Variants in PRKG1 observed in about 807,000 individuals in gnomAD.
PRKG1 encodes the protein cGMP-dependent protein kinase 1.
A neutral mutation model predicts 88.1 loss-of-function variants in PRKG1; 35 were observed. The observed-to-expected ratio is 0.40, with a 90% CI of 0.30 to 0.53. PRKG1 has a LOEUF of 0.53. Among genes scored for constraint, PRKG1 ranks in the 20% least tolerant of loss-of-function variants. The pLI, the probability that PRKG1 is intolerant of heterozygous loss-of-function variation, is 0.59. For synonymous variants in PRKG1, 303 were observed against 292.5 expected, an observed-to-expected ratio of 1.04 and a Z score of -0.37; for missense variants, 540 against 839.8, an observed-to-expected ratio of 0.64 and a Z score of 4.41.
chr10:52,091,570 A>G (rs532084529), intron 7 of PRKG1, among the ~76,000 whole-genome samples: 1 of 152,316 alleles, frequency 6.6e-6, no homozygotes, highest in East Asian at 1.9e-4. Flanking sequence ...CATGTGGACA[A>G]ATTAAATGGA....
chr10:51,908,693 C>CTA (rs1842139042), intron 5 of PRKG1: 2 of 64,738 alleles, frequency 3.1e-5, no homozygotes, highest in Non-Finnish European at 5.9e-5. Context: ...CAGATTGTGA[C>CTA]TCTCTCTCTC....
chr10:52,226,961 A>C (rs1372928030), intron 9 of PRKG1, among the ~76,000 whole-genome samples: 5 of 152,132 alleles, frequency 3.3e-5, no homozygotes, highest in African/African-American at 1.2e-4. Flanking sequence ...GAAAATCCTA[A>C]ATTGCAAGAG....
At chr10:52,040,118 CAA>C (rs953837150) in intron 5 of PRKG1, among the ~76,000 whole-genome samples, 4 of 152,152 alleles carry the variant, frequency 2.6e-5, no homozygotes, top group Non-Finnish European at 5.9e-5. Context: ...AGTGCCTTCT[CAA>C]AGAGAAAGGT....
At chr10:51,411,502 C>G (rs921858810) in intron 2 of PRKG1, among the ~76,000 whole-genome samples, 1 of 152,074 alleles carries the variant, frequency 6.6e-6, no homozygotes, top group African/African-American at 2.4e-5. Context: ...TGCATCTGCC[C>G]GTGTGTGGGA....
At chr10:51,406,981 G>A (rs181936809) in intron 2 of PRKG1, among the ~76,000 whole-genome samples, 1 of 152,292 alleles carries the variant, frequency 6.6e-6, no homozygotes, top group Non-Finnish European at 1.5e-5. Flanking sequence ...AGGGCAGGAA[G>A]CATCCAGCGT....
chr10:51,679,555 A>G (rs1840791488), intron 3 of PRKG1, among the ~76,000 whole-genome samples: 1 of 152,000 alleles, frequency 6.6e-6, no homozygotes, highest in African/African-American at 2.4e-5. Flanking sequence ...TTTCAGCATA[A>G]AGATCAAACT....
intron 1 of PRKG1, among the ~76,000 whole-genome samples, chr10:51,093,132 C>T (rs1397944216): frequency 6.6e-6 from 1 of 152,096 alleles, no homozygotes; most frequent in Non-Finnish European, 1.5e-5. Flanking sequence ...CCCTGCGGTT[C>T]TCAAAGTGTG....
In PRKG1 at chr10:51,658,192, A is replaced by G. The variant is rs144841073; in HGVS notation, c.593-146393A>G. ...CAACTGTTACTTTCATCCTTGCACT[A>G]CTGGATCAAGATTTTATCTCCTGCA... On this transcript the variant is annotated intron_variant, in intron 3 of 17. Transcript: ENST00000373980. 1.5e-3 allele frequency among the ~76,000 whole-genome samples: 233 copies of G among 152,182 alleles called. 2 individuals carry two copies. The highest frequency in any genetic ancestry group is 5.2e-3 in the African/African-American group (218 of 41,540).
chr10:51,243,773 T>C (rs899188398), intron 2 of PRKG1, among the ~76,000 whole-genome samples: 17 of 152,158 alleles, frequency 1.1e-4, no homozygotes, highest in African/African-American at 4.1e-4. Context: ...AAATGCTAAT[T>C]AATTGGTAGA....
intron 2 of PRKG1, among the ~76,000 whole-genome samples, chr10:51,423,226 C>T (rs926097139): frequency 2.6e-5 from 4 of 152,186 alleles, no homozygotes; most frequent in African/African-American, 9.6e-5. Flanking sequence ...CTCGATATGT[C>T]TGACTTCCTA....
At chr10:51,827,213 C>T (rs769115032) in intron 4 of PRKG1, among the ~76,000 whole-genome samples, 3 of 151,928 alleles carry the variant, frequency 2.0e-5, no homozygotes, top group African/African-American at 4.8e-5. Flanking sequence ...CAGCCATTTT[C>T]GTATATACCC....
At chr10:51,284,873 T>TA (rs1840396611) in intron 2 of PRKG1, among the ~76,000 whole-genome samples, 3 of 145,530 alleles carry the variant, frequency 2.1e-5, no homozygotes, top group Non-Finnish European at 4.6e-5. Context: ...TACTTTTTTT[T>TA]TTTTTTTTTT....
At chr10:51,392,668 T>A (rs1837441059) in intron 2 of PRKG1, among the ~76,000 whole-genome samples, 1 of 151,374 alleles carries the variant, frequency 6.6e-6, no homozygotes, top group African/African-American at 2.4e-5. Context: ...GACGGGGTGG[T>A]GGCTGGGCAG....
chr10:52,287,243 T>C (rs1020301436), intron 14 of PRKG1, among the ~76,000 whole-genome samples: 1 of 152,018 alleles, frequency 6.6e-6, no homozygotes, highest in Non-Finnish European at 1.5e-5. Context: ...CAACTAAAGA[T>C]AAAATTTTAA....
chr10:51,333,177 G>C (rs889318637), intron 2 of PRKG1, among the ~76,000 whole-genome samples: 1 of 152,232 alleles, frequency 6.6e-6, no homozygotes, highest in African/African-American at 2.4e-5. Flanking sequence ...GGCTGAAGCA[G>C]AAATAGCTTG....
intron 5 of PRKG1, among the ~76,000 whole-genome samples, chr10:52,021,134 A>T (rs184199150): frequency 5.1e-4 from 78 of 152,324 alleles, no homozygotes; most frequent in African/African-American, 1.8e-3. Context: ...TAAGCTGTTC[A>T]TCAGAATGAT....
intron 7 of PRKG1, among the ~76,000 whole-genome samples, chr10:52,122,420 T>C (rs1847841250): frequency 6.6e-6 from 1 of 152,184 alleles, no homozygotes; most frequent in Non-Finnish European, 1.5e-5. Flanking sequence ...ATCGAATAAT[T>C]ATTCTATTTA....
At chr10:51,887,487 T>C (rs1227569835) in intron 4 of PRKG1, among the ~76,000 whole-genome samples, 1 of 152,172 alleles carries the variant, frequency 6.6e-6, no homozygotes, top group Non-Finnish European at 1.5e-5. Context: ...TTGAGGAAAC[T>C]CAATACTGTT....
At chr10:51,064,417 G>A (rs1843725578) in intron 1 of PRKG1, among the ~76,000 whole-genome samples, 1 of 152,072 alleles carries the variant, frequency 6.6e-6, no homozygotes, top group Non-Finnish European at 1.5e-5. Context: ...TTAGATTTCT[G>A]TTTAGACACT....
Sources: allele counts gnomAD v4.1 joint callset (sites outside exome capture counted in the v4.1 genomes callset), GRCh38; gene constraint gnomAD v4.1.1; transcripts MANE v1.5; gene names NCBI Gene and HGNC (gene_info 2026-07-23, HGNC 2026-07-21).